The following AKAP6 variants were observed in gnomAD, a reference collection of about 807,000 sequenced individuals.
AKAP6 encodes A-kinase anchor protein 6.
AKAP6 carries 58 observed loss-of-function variants against 188.5 expected under a neutral mutation model. The observed-to-expected ratio is 0.31, with a 90% CI of 0.25 to 0.38. The LOEUF (loss-of-function observed/expected upper bound fraction) is 0.38. AKAP6 is among the 10% of genes least tolerant of loss of function. The pLI, the probability that AKAP6 is intolerant of heterozygous loss-of-function variation, is 1.00. For synonymous variants in AKAP6, 989 were observed against 998.6 expected (o/e 0.99, Z 0.18); for missense variants, 2,710 against 2,740.0 (o/e 0.99, Z 0.24).
rs780341988 is a variant in AKAP6 at position 32,432,932 on chromosome 14, C to T, written c.-34-528C>T. Among the ~76,000 whole-genome samples, 8 of 152,252 alleles carry T rather than the reference C, an allele frequency of 5.3e-5. No individual in the cohort carries two copies. The East Asian group carries it at 5.8e-4, about 11-fold the overall frequency. ...GCTCCACCGTCCTCTACCCGTCATA[C>T]GCAAAGGCCTCTCTGGGTCTGAGTT... On this transcript the variant is annotated intron_variant, in intron 1 of 13. Transcript: ENST00000280979.
chr14:32,771,341 G>GAA (rs57706321), intron 11 of AKAP6, among the ~76,000 whole-genome samples: 390 of 141,054 alleles, frequency 2.8e-3, no homozygotes, highest in African/African-American at 5.6e-3. Context: ...TCATTTAAAG[G>GAA]AAAAAAAAAA....
At chr14:32,556,585 C>T (rs1159162297) in intron 4 of AKAP6, among the ~76,000 whole-genome samples, 3 of 152,174 alleles carry the variant, frequency 2.0e-5, no homozygotes, top group African/African-American at 7.2e-5. Context: ...TCAAGCAATC[C>T]ACCTGCCTCA....
At chr14:32,410,831 TAGAA>T (rs1889458273) in intron 1 of AKAP6, among the ~76,000 whole-genome samples, 1 of 152,196 alleles carries the variant, frequency 6.6e-6, no homozygotes, top group African/African-American at 2.4e-5. Context: ...ATGATGTTGT[TAGAA>T]AGATTTTTTA....
Position 32,760,958 on chromosome 14 carries a change from C to T in AKAP6, c.3373-12720C>T, listed in dbSNP as rs187352882. Among the ~76,000 whole-genome samples the T allele has an allele frequency of 4.1e-3, 624 of 152,200 alleles. 2 individuals carry two copies. Among genetic ancestry groups the T allele is most frequent in the Non-Finnish European group, 6.1e-3 (418 of 68,012 alleles). On this transcript the variant is annotated intron_variant, in intron 11 of 13. Transcript: ENST00000280979. ...CTTCTAAATGACCCTGAGAGTATTACCACACATCTGGGAATACTGAAAACT... is the reference window on the plus strand; with the variant it reads ...CTTCTAAATGACCCTGAGAGTATTATCACACATCTGGGAATACTGAAAACT...
chr14:32,792,089 G>T (rs893147611), intron 12 of AKAP6, among the ~76,000 whole-genome samples: 1 of 152,156 alleles, frequency 6.6e-6, no homozygotes, highest in African/African-American at 2.4e-5. Flanking sequence ...GCTTAGGATT[G>T]TCTGGACTCT....
chr14:32,383,412 T>C (rs965484829), intron 1 of AKAP6, among the ~76,000 whole-genome samples: 1 of 152,132 alleles, frequency 6.6e-6, no homozygotes, highest in Non-Finnish European at 1.5e-5. Context: ...CAAAGAACTG[T>C]ATTATTTTCT....
chr14:32,720,822 A>G (rs2057122), intron 9 of AKAP6, among the ~76,000 whole-genome samples: 42,836 of 151,970 alleles, frequency 0.28, 6,421 homozygotes, highest in East Asian at 0.43. Flanking sequence ...AGCCAACTGC[A>G]CTCCAGCCTG....
chr14:32,709,921 T>A (rs1890970375), intron 9 of AKAP6, among the ~76,000 whole-genome samples: 1 of 152,074 alleles, frequency 6.6e-6, no homozygotes, highest in African/African-American at 2.4e-5. Context: ...TTCAGTTTTG[T>A]CTACACTCCA....
chr14:32,468,919 A>T (rs1430013848), intron 2 of AKAP6, among the ~76,000 whole-genome samples: 1 of 152,172 alleles, frequency 6.6e-6, no homozygotes, highest in East Asian at 1.9e-4. Flanking sequence ...TATTAATAAT[A>T]TATGAATAAT....
chr14:32,451,182 G>A (rs531786927), intron 2 of AKAP6, among the ~76,000 whole-genome samples: 1 of 152,220 alleles, frequency 6.6e-6, no homozygotes, highest in East Asian at 1.9e-4. Flanking sequence ...ATACTGGCTG[G>A]TATACAAGAA....
chr14:32,779,815 G>A (rs1040898884), intron 12 of AKAP6, among the ~76,000 whole-genome samples: 1 of 152,066 alleles, frequency 6.6e-6, no homozygotes, highest in African/African-American at 2.4e-5. Flanking sequence ...AATTTAATTG[G>A]CACTTAAAAC....
chr14:32,578,073 A>C, intron 5 of AKAP6, among the ~76,000 whole-genome samples: 1 of 152,186 alleles, frequency 6.6e-6, no homozygotes, highest in South Asian at 2.1e-4. Flanking sequence ...TGGGTACTCA[A>C]CTGTGGGGTT....
intron 12 of AKAP6, among the ~76,000 whole-genome samples, chr14:32,792,337 G>A (rs558899088): frequency 1.8e-4 from 28 of 152,128 alleles, no homozygotes; most frequent in East Asian, 7.7e-4. Context: ...GGACCTTCAC[G>A]TCCCTTGTAA....
intron 2 of AKAP6, among the ~76,000 whole-genome samples, chr14:32,459,472 T>C (rs1187178621): frequency 1.3e-5 from 2 of 151,938 alleles, no homozygotes; most frequent in Non-Finnish European, 2.9e-5. Context: ...ACATACATAA[T>C]AGAAATCTCA....
chr14:32,356,644 T>TA (rs1368850403), intron 1 of AKAP6, among the ~76,000 whole-genome samples: 1 of 152,118 alleles, frequency 6.6e-6, no homozygotes, highest in African/African-American at 2.4e-5. Context: ...TTGTATGTCA[T>TA]AAAAAGCCCT....
intron 8 of AKAP6, among the ~76,000 whole-genome samples, chr14:32,688,912 T>G (rs1890046355): frequency 6.6e-6 from 1 of 152,182 alleles, no homozygotes; most frequent in Non-Finnish European, 1.5e-5. Flanking sequence ...TACAGGTTGT[T>G]GATATATTGC....
At chr14:32,398,911 A>G (rs1888984247) in intron 1 of AKAP6, among the ~76,000 whole-genome samples, 2 of 121,964 alleles carry the variant, frequency 1.6e-5, no homozygotes, top group Admixed American at 1.1e-4. Context: ...GAGTGCAGTG[A>G]TGTGATCTCG....
chr14:32,393,627 T>C (rs1008824902), intron 1 of AKAP6, among the ~76,000 whole-genome samples: 1 of 152,184 alleles, frequency 6.6e-6, no homozygotes, highest in African/African-American at 2.4e-5. Flanking sequence ...AAGAGTTTAC[T>C]GGACTTTCTT....
chr14:32,386,963 A>G (rs892997831), intron 1 of AKAP6, among the ~76,000 whole-genome samples: 13 of 152,074 alleles, frequency 8.5e-5, no homozygotes, highest in Admixed American at 8.5e-4. Flanking sequence ...CCATTAGTGT[A>G]TGTGCTGATT....
Sources: allele counts gnomAD v4.1 joint callset (sites outside exome capture counted in the v4.1 genomes callset), GRCh38; gene constraint gnomAD v4.1.1; transcripts MANE v1.5; gene names NCBI Gene and HGNC (gene_info 2026-07-23, HGNC 2026-07-21).